The following TMEM178A variants were observed in gnomAD, a reference collection of about 807,000 sequenced individuals.
TMEM178A encodes transmembrane protein 178.
Under a neutral mutation model 29.1 loss-of-function variants are expected in TMEM178A, and 12 were observed. The ratio of observed to expected loss-of-function variants is 0.41; its 90% CI spans 0.26 to 0.67. TMEM178A has a LOEUF of 0.67. TMEM178A is among the 30% of genes least tolerant of loss of function. The probability of loss-of-function intolerance (pLI) is 0.29; values close to 1 mark genes in which losing one functional copy is unlikely to be tolerated. For missense variants in TMEM178A, 366 were observed against 419.1 expected (o/e 0.87, Z 1.11); for synonymous variants, 210 against 187.2 (o/e 1.12, Z -0.99).
At chr2:39,689,757 G>A (rs1309053492) in intron 1 of TMEM178A, among the ~76,000 whole-genome samples, 1 of 152,158 alleles carries the variant, frequency 6.6e-6, no homozygotes, top group African/African-American at 2.4e-5. Context: ...TTCCAACCCT[G>A]AAAGCCACAC....
rs566378328 is a variant in TMEM178A, at chr2:39,700,458, A to G, written c.401-3623A>G. On this transcript the variant is annotated intron_variant, in intron 1 of 3. Transcript: ENST00000281961. ...CTCTCTGGTAACAATTTTTGTCTTAAATTCTGTTTTGTTTGATATTAGTAT... is the reference window on the plus strand; with the variant it reads ...CTCTCTGGTAACAATTTTTGTCTTAGATTCTGTTTTGTTTGATATTAGTAT... Among the ~76,000 whole-genome samples, 5 of 151,938 alleles carry G rather than the reference A, an allele frequency of 3.3e-5. No individual in the cohort carries two copies. In the East Asian group the frequency reaches 9.7e-4, roughly 29 times the overall value.
At chr2:39,700,339 A>G (rs1671727629) in intron 1 of TMEM178A, among the ~76,000 whole-genome samples, 1 of 152,034 alleles carries the variant, frequency 6.6e-6, no homozygotes, top group Non-Finnish European at 1.5e-5. Context: ...TTGGTATTGC[A>G]TGTATTTTGG....
chr2:39,665,832 C>A, upstream of TMEM178A: 1 of 747,864 alleles, frequency 1.3e-6, no homozygotes, highest in Non-Finnish European at 1.8e-6. Context: ...CCGGGCCGGG[C>A]TCGCAGGGCG....
intron 1 of TMEM178A, among the ~76,000 whole-genome samples, chr2:39,681,489 A>T (rs1558447118): frequency 6.6e-6 from 1 of 152,260 alleles, no homozygotes; most frequent in Non-Finnish European, 1.5e-5. Flanking sequence ...ATAGAACTGT[A>T]CTGGACAGTG....
chr2:39,681,480 T>C (rs1670868032), intron 1 of TMEM178A, among the ~76,000 whole-genome samples: 1 of 152,200 alleles, frequency 6.6e-6, no homozygotes, highest in South Asian at 2.1e-4. Context: ...TATAGCTTAA[T>C]AGAACTGTAC....
rs191553943 is a variant in TMEM178A, at chr2:39,681,206, C to T, written c.400+14832C>T. Among the ~76,000 whole-genome samples the T allele has an allele frequency of 3.9e-5, 6 of 152,314 alleles. No homozygotes were observed. The East Asian group carries it at 7.7e-4, about 20-fold the overall frequency. ...AATGATTATAATGGCAGATCTGCTA[C>T]TCAACCTCTGATGCTTGATAGGACC... On this transcript the variant is annotated intron_variant, in intron 1 of 3. Coordinates refer to ENST00000281961, the MANE Select transcript of TMEM178A (RefSeq NM_152390.3).
rs72936021 is a variant in TMEM178A, at chr2:39,709,597, G to T, written c.652+2411G>T. Among the ~76,000 whole-genome samples the T allele has an allele frequency of 9.2e-3, 1,394 of 152,294 alleles. 19 individuals carry two copies. Among genetic ancestry groups the T allele is most frequent in the African/African-American group, 0.032 (1,326 of 41,556 alleles). On this transcript the variant is annotated intron_variant, in intron 3 of 3. Coordinates refer to ENST00000281961, the MANE Select transcript of TMEM178A (RefSeq NM_152390.3). The stretch of plus-strand genomic sequence containing the variant: ...GCAAAGAACCAGAGAGGACTGCACT[G>T]CACAGAGGATTCCTTTACACCTCTG...
At chr2:39,677,132 T>C (rs1670664787) in intron 1 of TMEM178A, among the ~76,000 whole-genome samples, 1 of 152,200 alleles carries the variant, frequency 6.6e-6, no homozygotes, top group African/African-American at 2.4e-5. Context: ...GCTTCCTATG[T>C]ACAGCCTTTG....
intron 1 of TMEM178A, among the ~76,000 whole-genome samples, chr2:39,675,269 C>A (rs1468363491): frequency 6.6e-6 from 1 of 152,008 alleles, no homozygotes; most frequent in African/African-American, 2.4e-5. Flanking sequence ...AGTGCTCAGT[C>A]CCCCAAAGTC....
intron 1 of TMEM178A, among the ~76,000 whole-genome samples, chr2:39,674,286 C>T (rs139945872): frequency 4.3e-4 from 65 of 152,300 alleles, no homozygotes; most frequent in African/African-American, 1.4e-3. Flanking sequence ...GCCCATCAAT[C>T]AGAGTGGATA....
intron 3 of TMEM178A, among the ~76,000 whole-genome samples, chr2:39,713,123 T>G (rs1461572863): frequency 6.6e-6 from 1 of 151,640 alleles, no homozygotes; most frequent in East Asian, 1.9e-4. Context: ...CGGAGGAGAG[T>G]AGAGTGGAGA....
chr2:39,707,489 T>C (rs983318731), intron 3 of TMEM178A, among the ~76,000 whole-genome samples: 8 of 152,196 alleles, frequency 5.3e-5, no homozygotes, highest in African/African-American at 9.7e-5. Context: ...TTTGTTTTTT[T>C]GAGATGGAGT....
chr2:39,674,479 A>C (rs764752744), intron 1 of TMEM178A, among the ~76,000 whole-genome samples: 1 of 152,208 alleles, frequency 6.6e-6, no homozygotes, highest in African/African-American at 2.4e-5. Context: ...ACTCAAAGGC[A>C]TAAGAATGAT....
chr2:39,722,213 A>T (rs1451473993), downstream of TMEM178A, among the ~76,000 whole-genome samples: 1 of 152,090 alleles, frequency 6.6e-6, no homozygotes, highest in Non-Finnish European at 1.5e-5. Context: ...GGTAAGTTAC[A>T]TGGCGGTGGG....
downstream of TMEM178A, among the ~76,000 whole-genome samples, chr2:39,722,218 G>A (rs148988530): frequency 2.8e-4 from 42 of 152,160 alleles, no homozygotes; most frequent in Middle Eastern, 6.8e-3. Context: ...GTTACATGGC[G>A]GTGGGGAAAC....
At chr2:39,716,795 C>A (rs148629944) in intron 3 of TMEM178A, among the ~76,000 whole-genome samples, 1 of 152,192 alleles carries the variant, frequency 6.6e-6, no homozygotes, top group African/African-American at 2.4e-5. Flanking sequence ...CTCTTTCACT[C>A]CTGCATCTCC....
chr2:39,725,198 G>A, the TMEM178A span, among the ~76,000 whole-genome samples: 2 of 152,120 alleles, frequency 1.3e-5, no homozygotes, highest in Non-Finnish European at 2.9e-5. Flanking sequence ...GGGTGGGACG[G>A]GTGAGTGGCC....
chr2:39,711,639 T>G (rs1374060545), intron 3 of TMEM178A, among the ~76,000 whole-genome samples: 1 of 152,196 alleles, frequency 6.6e-6, no homozygotes, highest in South Asian at 2.1e-4. Flanking sequence ...TTTGTTTTAA[T>G]GAATCCAAAT....
At chr2:39,673,019 A>T (rs1047295894) in intron 1 of TMEM178A, among the ~76,000 whole-genome samples, 4 of 152,208 alleles carry the variant, frequency 2.6e-5, no homozygotes, top group East Asian at 1.9e-4. Flanking sequence ...CTCTGCTTTC[A>T]TCTTTGTGTA....
Sources: allele counts gnomAD v4.1 joint callset (sites outside exome capture counted in the v4.1 genomes callset), GRCh38; gene constraint gnomAD v4.1.1; transcripts MANE v1.5; gene names NCBI Gene and HGNC (gene_info 2026-07-23, HGNC 2026-07-21).